The following RNF130 variants were observed in gnomAD, a reference collection of about 807,000 sequenced individuals.
RNF130 encodes ring finger protein 130.
Under a neutral mutation model 44.6 loss-of-function variants are expected in RNF130, and 21 were observed. The ratio of observed to expected loss-of-function variants is 0.47; its 90% CI spans 0.33 to 0.68. RNF130 has a LOEUF of 0.68. Among genes scored for constraint, RNF130 ranks in the 30% least tolerant of loss-of-function variants. The pLI, the probability that RNF130 is intolerant of heterozygous loss-of-function variation, is 0.02. For synonymous variants in RNF130, 214 were observed against 210.4 expected (o/e 1.02, Z -0.15); for missense variants, 479 against 560.6 (o/e 0.85, Z 1.47).
At position 179,990,204 on chromosome 5, in the gene RNF130, A is replaced by G. The variant is rs376956264; in HGVS notation, c.694-10004T>C. Among the ~76,000 whole-genome samples, 99 of 152,332 alleles carry G rather than the reference A, an allele frequency of 6.5e-4. 1 individual carries two copies. In the South Asian group the frequency reaches 0.019, roughly 30 times the overall value. ...GGCTGCACTGTTATTTATTGGATAC[A>G]AAGTAAAAGGGGCAGGGTAAAGAGT... On this transcript the variant is annotated intron_variant, in intron 3 of 8. Coordinates refer to ENST00000521389, the MANE Select transcript of RNF130 (RefSeq NM_018434.6).
intron 3 of RNF130, among the ~76,000 whole-genome samples, chr5:179,994,668 G>A (rs1763162433): frequency 6.6e-6 from 1 of 152,124 alleles, no homozygotes; most frequent in South Asian, 2.1e-4. Flanking sequence ...GGGTGGGTGA[G>A]CTGGCTCATA....
At chr5:180,012,516 C>T (rs3797763) in intron 3 of RNF130, among the ~76,000 whole-genome samples, 132,852 of 152,120 alleles carry the variant, frequency 0.87, 58,191 homozygotes, top group African/African-American at 0.94. Flanking sequence ...AAAATAGATG[C>T]GCTGTCAGTG....
chr5:179,972,578 G>C (rs1197031658), intron 5 of RNF130, among the ~76,000 whole-genome samples: 1 of 151,970 alleles, frequency 6.6e-6, no homozygotes, highest in Non-Finnish European at 1.5e-5. Context: ...GTGCAGGAGT[G>C]AGAGGTATCC....
At chr5:180,024,364 C>G (rs1030306354) in intron 2 of RNF130, among the ~76,000 whole-genome samples, 10 of 152,184 alleles carry the variant, frequency 6.6e-5, no homozygotes, top group African/African-American at 2.4e-4. Context: ...TGGTACCTAA[C>G]AGGAAACTGG....
intron 8 of RNF130, among the ~76,000 whole-genome samples, chr5:179,960,069 A>T (rs1003768961): frequency 6.6e-6 from 1 of 152,250 alleles, no homozygotes; most frequent in East Asian, 1.9e-4. Context: ...AAAAATATTT[A>T]TTTTTCTTAT....
chr5:179,942,516 G>A (rs1475962373), intron 7 of RNF130, among the ~76,000 whole-genome samples: 1 of 152,162 alleles, frequency 6.6e-6, no homozygotes, highest in Non-Finnish European at 1.5e-5. Flanking sequence ...CTAGAAAATA[G>A]TAAGTGGAAG....
intron 3 of RNF130, among the ~76,000 whole-genome samples, chr5:180,000,695 GTTTTTTCATTC>G (rs1360728544): frequency 6.6e-6 from 1 of 151,920 alleles, no homozygotes; most frequent in Admixed American, 6.6e-5. Context: ...TCCACTGTAT[GTTTTTTCATTC>G]ATTGAATTCT....
chr5:179,952,406 C>T (rs1762139692), downstream of RNF130, among the ~76,000 whole-genome samples: 1 of 152,082 alleles, frequency 6.6e-6, no homozygotes, highest in South Asian at 2.1e-4. Flanking sequence ...AAGTCCAGGA[C>T]CAGATGGCTT....
chr5:180,067,028 TTAAAA>T (rs1271875823), intron 1 of RNF130, among the ~76,000 whole-genome samples: 2 of 152,022 alleles, frequency 1.3e-5, no homozygotes, highest in African/African-American at 4.8e-5. Flanking sequence ...GACCCTGTCC[TTAAAA>T]TAAAATAAAA....
At chr5:180,038,454 T>C (rs1485051530) in intron 2 of RNF130, among the ~76,000 whole-genome samples, 1 of 150,826 alleles carries the variant, frequency 6.6e-6, no homozygotes, top group Non-Finnish European at 1.5e-5. Flanking sequence ...CCCAAAGTGC[T>C]TGGATTATAG....
chr5:180,035,585 C>T (rs1030240924), intron 2 of RNF130, among the ~76,000 whole-genome samples: 6 of 152,184 alleles, frequency 3.9e-5, no homozygotes, highest in Admixed American at 1.3e-4. Context: ...CTATCAATTA[C>T]TAAGAGTAGG....
intron 8 of RNF130, 30 bp downstream of exon 8, chr5:179,963,441 C>G (rs759729522): frequency 1.3e-6 from 2 of 1,541,786 alleles, no homozygotes; most frequent in South Asian, 1.1e-5. Context: ...TCATCTGGCA[C>G]ATGCAATCCA....
intron 2 of RNF130, among the ~76,000 whole-genome samples, chr5:180,036,347 TG>T (rs1298861986): frequency 6.6e-6 from 1 of 152,244 alleles, no homozygotes; most frequent in South Asian, 2.1e-4. Context: ...GCCCAGTCAC[TG>T]GCTCTCCTCT....
chr5:180,065,121 C>A (rs1753718188), intron 1 of RNF130, among the ~76,000 whole-genome samples: 2 of 148,346 alleles, frequency 1.3e-5, no homozygotes, highest in Non-Finnish European at 3.0e-5. Context: ...GTTCTTGGAG[C>A]TACAGAATGA....
At chr5:180,064,652 C>T (rs558642134) in intron 1 of RNF130, among the ~76,000 whole-genome samples, 16 of 152,314 alleles carry the variant, frequency 1.1e-4, no homozygotes, top group African/African-American at 2.9e-4. Context: ...TTTCTAGCTT[C>T]GCAACTAGAA....
chr5:179,923,312 G>A (rs1761660690), intron 7 of RNF130, among the ~76,000 whole-genome samples: 1 of 151,902 alleles, frequency 6.6e-6, no homozygotes, highest in Non-Finnish European at 1.5e-5. Flanking sequence ...TTCCCCCACT[G>A]AACTGTCTTG....
chr5:180,053,779 A>G (rs555941599), intron 1 of RNF130, among the ~76,000 whole-genome samples: 3 of 151,928 alleles, frequency 2.0e-5, no homozygotes, highest in African/African-American at 7.3e-5. Context: ...GCACGGCTAC[A>G]TGACACTGAC....
At chr5:180,064,171 A>G (rs1213141310) in intron 1 of RNF130, among the ~76,000 whole-genome samples, 1 of 152,240 alleles carries the variant, frequency 6.6e-6, no homozygotes, top group East Asian at 1.9e-4. Flanking sequence ...GCTTTCCCTG[A>G]TTTCAGAGTC....
chr5:179,946,313 G>A (rs1762035940), intron 7 of RNF130, among the ~76,000 whole-genome samples: 1 of 152,204 alleles, frequency 6.6e-6, no homozygotes, highest in African/African-American at 2.4e-5. Flanking sequence ...TGGTCAGGAG[G>A]AAAGAAGCCC....
Sources: gnomAD v4.1 joint callset for allele counts (sites outside exome capture counted in the v4.1 genomes callset) on GRCh38, gnomAD v4.1.1 for gene constraint, MANE v1.5 for transcripts, NCBI Gene and HGNC (gene_info 2026-07-23, HGNC 2026-07-21) for gene names.